DLG2: variants seen among roughly 807,000 people sequenced by gnomAD.
DLG2 encodes discs large MAGUK scaffold protein 2, also known as disks large homolog 2.
Under a neutral mutation model 132.5 loss-of-function variants are expected in DLG2, and 45 were observed. The observed-to-expected ratio is 0.34, with a 90% confidence interval of 0.27 to 0.44. DLG2 has a LOEUF of 0.44. DLG2 is among the 20% of genes least tolerant of loss of function. The pLI is 1.00. For missense variants in DLG2, 1,045 were observed against 1,196.9 expected, an observed-to-expected ratio of 0.87 and a Z score of 1.87; for synonymous variants, 424 against 419.6, an observed-to-expected ratio of 1.01 and a Z score of -0.13.
chr11:84,083,672 G>T (rs2096934585), intron 10 of DLG2, among the ~76,000 whole-genome samples: 1 of 152,122 alleles, frequency 6.6e-6, no homozygotes, highest in African/African-American at 2.4e-5. Flanking sequence ...TCCTGCTTCT[G>T]CCCTGCCCTT....
chr11:83,559,998 T>G (rs2096583842), intron 19 of DLG2, among the ~76,000 whole-genome samples: 1 of 152,224 alleles, frequency 6.6e-6, no homozygotes, highest in South Asian at 2.1e-4. Context: ...ACTGCTATTT[T>G]GGTATTTCTG....
intron 6 of DLG2, among the ~76,000 whole-genome samples, chr11:84,894,060 G>A (rs1448031924): frequency 2.0e-5 from 3 of 152,136 alleles, no homozygotes; most frequent in Non-Finnish European, 4.4e-5. Context: ...TATGGTCACT[G>A]AGGTTCTATA....
intron 3 of DLG2, among the ~76,000 whole-genome samples, chr11:85,530,572 C>T (rs377450392): frequency 7.9e-5 from 12 of 152,112 alleles, no homozygotes; most frequent in South Asian, 4.1e-4. Context: ...CTGCCCACCT[C>T]GGCCTCCCAA....
chr11:83,905,911 T>C (rs552535088), intron 15 of DLG2, among the ~76,000 whole-genome samples: 1 of 152,134 alleles, frequency 6.6e-6, no homozygotes, highest in East Asian at 1.9e-4. Flanking sequence ...GCAATTTTAG[T>C]AAAATTATAT....
rs2078578897 is a variant in DLG2 at position 83,680,442 on chromosome 11, G to T, written c.1826-47117C>A. Among the ~76,000 whole-genome samples the T allele has an allele frequency of 2.6e-5, 4 of 152,164 alleles. 1 individual carries two copies. The South Asian group carries it at 6.2e-4, about 24-fold the overall frequency. ...TAAAAAATGTCATAGGCTGGCTGGA[G>T]CATCAAACACAGATGTTCATTTGTA... On this transcript the variant is annotated intron_variant, in intron 18 of 27. Coordinates refer to ENST00000376104, the MANE Select transcript of DLG2 (RefSeq NM_001142699.3).
intron 6 of DLG2, among the ~76,000 whole-genome samples, chr11:84,859,193 T>C (rs539759544): frequency 1.1e-3 from 172 of 151,460 alleles, no homozygotes; most frequent in African/African-American, 4.0e-3. Context: ...TGAAAAAGTA[T>C]AAAATGTAAT....
intron 16 of DLG2, among the ~76,000 whole-genome samples, chr11:83,841,765 C>T (rs2057582516): frequency 6.6e-6 from 1 of 152,190 alleles, no homozygotes; most frequent in Non-Finnish European, 1.5e-5. Flanking sequence ...AGTTAGATAG[C>T]TACTTAAAAA....
At chr11:83,725,090 C>A (rs1051614947) in intron 18 of DLG2, 3 of 552,230 alleles carry the variant, frequency 5.4e-6, no homozygotes, top group Non-Finnish European at 9.8e-6. Flanking sequence ...CACAAACAAG[C>A]CAATTTGAAA....
chr11:83,551,248 A>G (rs756171557), intron 19 of DLG2, among the ~76,000 whole-genome samples: 10 of 152,152 alleles, frequency 6.6e-5, no homozygotes, highest in Admixed American at 2.0e-4. Flanking sequence ...AAAAATCTAA[A>G]TTTTTTCCCC....
At chr11:85,258,774 T>C (rs183257366) in intron 4 of DLG2, among the ~76,000 whole-genome samples, 2 of 152,270 alleles carry the variant, frequency 1.3e-5, no homozygotes, top group East Asian at 3.9e-4. Context: ...AGAAGCTCTT[T>C]AGGATCAGAA....
At chr11:84,927,626 T>G (rs2047552122) in intron 6 of DLG2, among the ~76,000 whole-genome samples, 1 of 152,058 alleles carries the variant, frequency 6.6e-6, no homozygotes, top group African/African-American at 2.4e-5. Context: ...CCTACATAAA[T>G]ATCTACTTAA....
intron 6 of DLG2, among the ~76,000 whole-genome samples, chr11:85,082,929 A>G (rs1266806209): frequency 6.6e-6 from 1 of 152,162 alleles, no homozygotes; most frequent in Non-Finnish European, 1.5e-5. Context: ...AGAGAAATTA[A>G]GACAAGTTGG....
intron 18 of DLG2, among the ~76,000 whole-genome samples, chr11:83,759,482 C>T (rs2093804316): frequency 6.6e-6 from 1 of 152,176 alleles, no homozygotes; most frequent in African/African-American, 2.4e-5. Flanking sequence ...ACTGTGACCT[C>T]GAAGGCTTTA....
intron 7 of DLG2, among the ~76,000 whole-genome samples, chr11:84,515,276 T>TACACACACAC (rs142638064): frequency 1.1e-4 from 16 of 141,938 alleles, no homozygotes; most frequent in African/African-American, 3.6e-4. Context: ...TGAACTTAAA[T>TACACACACAC]ACACACACAC....
At chr11:83,641,221 A>T (rs1337220707) in intron 18 of DLG2, among the ~76,000 whole-genome samples, 1 of 152,156 alleles carries the variant, frequency 6.6e-6, no homozygotes, top group Non-Finnish European at 1.5e-5. Context: ...TAATCAATGA[A>T]ATATGATAAT....
chr11:84,916,612 G>A (rs1195614843), intron 6 of DLG2, among the ~76,000 whole-genome samples: 2 of 152,050 alleles, frequency 1.3e-5, no homozygotes, highest in East Asian at 3.9e-4. Flanking sequence ...ATTACTGCAG[G>A]AACTTCTACC....
At chr11:84,457,437 G>A (rs916052661) in intron 7 of DLG2, among the ~76,000 whole-genome samples, 4 of 151,028 alleles carry the variant, frequency 2.6e-5, no homozygotes, top group African/African-American at 9.7e-5. Context: ...AGAATTCATA[G>A]AGGGAGAAAT....
Position 85,188,572 on chromosome 11 carries a change from A to T in DLG2, c.187-33921T>A, listed in dbSNP as rs183218347. On this transcript the variant is annotated intron_variant, in intron 4 of 27. Transcript: ENST00000376104. ...TAACAATGACTTTAAAGCAAATATTACAAATATATTATAAGAATTAAAGCC... is the reference window on the plus strand; with the variant it reads ...TAACAATGACTTTAAAGCAAATATTTCAAATATATTATAAGAATTAAAGCC... Among the ~76,000 whole-genome samples, 620 of 152,326 alleles carry T rather than the reference A, an allele frequency of 4.1e-3. 5 individuals carry two copies. The highest frequency in any genetic ancestry group is 0.014 in the African/African-American group (594 of 41,568).
intron 11 of DLG2, among the ~76,000 whole-genome samples, chr11:83,988,098 G>T (rs1352460502): frequency 6.6e-6 from 1 of 152,110 alleles, no homozygotes; most frequent in Non-Finnish European, 1.5e-5. Flanking sequence ...CTGGAACTCT[G>T]ATGATAGTTT....
Sources: allele counts gnomAD v4.1 joint callset (sites outside exome capture counted in the v4.1 genomes callset), GRCh38; gene constraint gnomAD v4.1.1; transcripts MANE v1.5; gene names NCBI Gene and HGNC (gene_info 2026-07-23, HGNC 2026-07-21).